DHX34: variants seen among roughly 807,000 people sequenced by gnomAD.
The protein encoded by DHX34 is probable ATP-dependent RNA helicase DHX34.
In DHX34, 96 loss-of-function variants were observed where a neutral mutation model predicts 111.1. The ratio of observed to expected loss-of-function variants is 0.86; its 90% CI spans 0.73 to 1.02. DHX34 has a LOEUF of 1.02. DHX34 is among the 50% of genes least tolerant of loss of function. The probability of loss-of-function intolerance (pLI) is 0.00; values close to 1 mark genes in which losing one functional copy is unlikely to be tolerated. For missense variants in DHX34, 1,560 were observed against 1,579.9 expected (o/e 0.99, Z 0.21); for synonymous variants, 688 against 670.4 (o/e 1.03, Z -0.41).
At position 47,362,680 on chromosome 19, in the gene DHX34, C is replaced by T. The variant is rs753138391; in HGVS notation, c.1580C>T (p.Ser527Leu). 3.3e-5 allele frequency: 53 copies of T among 1,612,012 alleles called. No individual in the cohort carries two copies. The South Asian group carries it at 4.0e-4, about 12-fold the overall frequency. Residue 527 changes from serine to leucine, a missense_variant, in exon 6 of 17, where the codon TCG becomes TTG. Coordinates refer to ENST00000328771, the MANE Select transcript of DHX34 (RefSeq NM_014681.6). ...GAAATTCGGAGGGTGGCCCTGGACT[C>T]GTTGGTGCTGCAGGTGAGGCATGGG... ...VPEIRRVALD[S>L]LVLQMKSMSV...
In DHX34 at chr19:47,358,130, G is replaced by C. The variant is rs755851931; in HGVS notation, c.1272+10G>C. The C allele has an allele frequency of 6.3e-7, 1 of 1,598,972 alleles. No homozygotes were observed. Among genetic ancestry groups the C allele is most frequent in the Non-Finnish European group, 8.6e-7 (1 of 1,168,350 alleles). The stretch of plus-strand genomic sequence containing the variant: ...GGCCGACCAGGACAAGGTATCACAG[G>C]AAGCCCGAGTGGGGCAGGCGGGGGG... On this transcript the variant is annotated intron_variant, in intron 4 of 16. Transcript: ENST00000328771.
At position 47,353,776 on chromosome 19, in the gene DHX34, C is replaced by T. The variant is rs1182765132; in HGVS notation, c.705+41C>T. ...CAGGTTTCCGATTTTTCCAGCGTGA[C>T]CTTGGGGGAATAGGTTGCTTGTCCA... On this transcript the variant is annotated intron_variant, in intron 2 of 16. Transcript: ENST00000328771. This position sits in a 1 kb window ranked among gnomAD's most constrained non-coding sequence, Gnocchi z 4.6. 6.8e-7 allele frequency: 1 copy of T among 1,480,498 alleles called. No individual in the cohort carries two copies. Among genetic ancestry groups the T allele is most frequent in the Non-Finnish European group, 9.0e-7 (1 of 1,111,412 alleles). 91.7% of individuals were successfully genotyped at this position (1,480,498 alleles called of 1,614,324 possible).
At position 47,359,977 on chromosome 19, in the gene DHX34, G is replaced by A. The variant is rs1196911806; in HGVS notation, c.1282G>A (p.Val428Met). Reference protein sequence around the residue: ...SVADQDKVFDVAPPGVRKCIL... With the variant: ...SVADQDKVFDMAPPGVRKCIL... ...CCTCCCTTCCTCCCAGGTATTTGAT[G>A]TGGCACCCCCTGGAGTCCGGAAATG... The change falls in exon 5 of 17, where the codon GTG becomes ATG. Residue 428 changes from valine (V) to methionine (M), a missense_variant. Val to Met is a conservative substitution (Grantham distance 21). Transcript: ENST00000328771. The A allele has an allele frequency of 8.1e-6, 13 of 1,614,064 alleles. No individual in the cohort carries two copies. Among genetic ancestry groups the A allele is most frequent in the East Asian group, 2.2e-5 (1 of 44,868 alleles).
intron 1 of DHX34, 49 bp downstream of exon 1, chr19:47,349,401 T>A (rs1461200408): frequency 1.3e-5 from 2 of 152,244 alleles, no homozygotes; most frequent in African/African-American, 4.8e-5. Context: ...CGGCGATGGC[T>A]GTCGGAGTTG....
At chr19:47,350,935 T>G in intron 1 of DHX34, among the ~76,000 whole-genome samples, 3 of 147,342 alleles carry the variant, frequency 2.0e-5, no homozygotes, top group East Asian at 2.0e-4. Context: ...GAAGATGGAG[T>G]GGAGAGAGAT....
intron 2 of DHX34, among the ~76,000 whole-genome samples, chr19:47,354,234 A>G (rs1969382101): frequency 6.6e-6 from 1 of 152,140 alleles, no homozygotes; most frequent in Non-Finnish European, 1.5e-5. Context: ...AAGTTTTGGG[A>G]TTACAGGTGT....
At chr19:47,357,402 C>T (rs924131754) in intron 3 of DHX34, among the ~76,000 whole-genome samples, 2 of 152,162 alleles carry the variant, frequency 1.3e-5, no homozygotes, top group African/African-American at 4.8e-5. Flanking sequence ...CTTTTTATTA[C>T]ATCCTTCAGA....
At chr19:47,359,893 G>A (rs1969572811) in intron 4 of DHX34, 75 bp from the exon 5 acceptor site, 7 of 1,606,164 alleles carry the variant, frequency 4.4e-6, no homozygotes, top group Non-Finnish European at 4.3e-6. Context: ...TGACACGGGG[G>A]TGGGCAAGAA....
chr19:47,358,277 T>C (rs1253082892), intron 4 of DHX34, among the ~76,000 whole-genome samples, 157 bp downstream of exon 4: 1 of 152,160 alleles, frequency 6.6e-6, no homozygotes, highest in Non-Finnish European at 1.5e-5. Flanking sequence ...CGAACCCAGG[T>C]AGTCTGGCCC....
chr19:47,376,978 C>A lies in DHX34; in HGVS notation c.2600-122C>A, dbSNP rs769258391. The A allele has an allele frequency of 2.0e-5, 31 of 1,556,264 alleles. 1 individual carries two copies. In the South Asian group the frequency reaches 3.3e-4, roughly 17 times the overall value. ...GACCTTCTTGTCTGAGCCAGGCCAC[C>A]AAAGCCATGCCGTAAGCATACTCTT... On this transcript the variant is annotated intron_variant, in intron 12 of 16. Transcript: ENST00000328771.
chr19:47,353,047 CAAGG>C lies in DHX34; in HGVS notation c.18_21del (p.Glu8AlafsTer167). The C allele has an allele frequency of 6.2e-7, 1 of 1,612,408 alleles. No individual in the cohort carries two copies. Among genetic ancestry groups the C allele is most frequent in the South Asian group, 1.1e-5 (1 of 91,052 alleles). Reference sequence around the variant, plus strand: ...ATTAGTAACATGCCTCCTCCTAGAACAAGGGAGGGCAGGGATCGCCGAGACCACC... The same window carrying C: ...ATTAGTAACATGCCTCCTCCTAGAACGAGGGCAGGGATCGCCGAGACCACC... On this transcript the variant is annotated frameshift_variant, in exon 2 of 17. Transcript: ENST00000328771. LOFTEE classifies it high-confidence loss of function. The surrounding 1 kb of genome is among the most constrained non-coding windows in gnomAD (Gnocchi z 4.6).
rs867321422 is a variant in DHX34 at position 47,368,505 on chromosome 19, T to C, written c.1768+1350T>C. 7.4e-3 allele frequency among the ~76,000 whole-genome samples: 1,114 copies of C among 150,284 alleles called. 17 individuals are homozygous for C. The highest frequency in any genetic ancestry group is 0.026 in the African/African-American group (1,048 of 40,820). ...ATTTTTAGTAGAGCTGGGGTTTCTC[T>C]ATGTTGGTCAGGCTGGTCTTGAACT... On this transcript the variant is annotated intron_variant, in intron 7 of 16. Coordinates refer to ENST00000328771, the MANE Select transcript of DHX34 (RefSeq NM_014681.6).
chr19:47,362,542 G>A lies in DHX34; in HGVS notation c.1442G>A (p.Ser481Asn). 6.2e-7 allele frequency: 1 copy of A among 1,611,398 alleles called. No homozygotes were observed. ...CAACGGCTGCAGGAGTTCTGGATTA[G>A]TCAGGCCAGCGCAGAGCAGCGGAAG... ...KLQRLQEFWI[S>N]QASAEQRKGR... The change falls in exon 6 of 17, where the codon AGT becomes AAT. Residue 481 changes from serine to asparagine, a missense_variant. Transcript: ENST00000328771.
chr19:47,353,696 GC>G lies in DHX34; in HGVS notation c.667del (p.Arg223ValfsTer33). The G allele has an allele frequency of 6.2e-7, 1 of 1,608,572 alleles. No individual in the cohort carries two copies. ...RRIACISLAK[R>X]VGFESLSQYG... ...GGATCGCCTGCATCTCACTGGCCAA[GC>G]GTGTGGGCTTTGAGAGCCTCAGTCA... is the stretch of plus-strand genomic sequence containing the variant. On this transcript the variant is annotated frameshift_variant, in exon 2 of 17. Transcript: ENST00000328771. LOFTEE classifies it high-confidence loss of function. The surrounding 1 kb of genome is among the most constrained non-coding windows in gnomAD (Gnocchi z 4.6).
intron 1 of DHX34, among the ~76,000 whole-genome samples, chr19:47,350,163 A>G (rs1969240832): frequency 6.6e-6 from 1 of 152,206 alleles, no homozygotes; most frequent in African/African-American, 2.4e-5. Context: ...ATTGGGAGAT[A>G]AAGTATTAGA....
chr19:47,354,469 T>A (rs952495928), intron 2 of DHX34, among the ~76,000 whole-genome samples: 9 of 152,278 alleles, frequency 5.9e-5, no homozygotes, highest in Non-Finnish European at 1.0e-4. Context: ...TGAGGCACAG[T>A]GCTAGATACT....
intron 13 of DHX34, among the ~76,000 whole-genome samples, chr19:47,378,049 A>G (rs926528983): frequency 6.6e-6 from 1 of 152,120 alleles, no homozygotes; most frequent in Non-Finnish European, 1.5e-5. Context: ...TAAGTCACAC[A>G]CCGAGCAGGT....
chr19:47,378,204 A>G (rs1429574733), intron 13 of DHX34, among the ~76,000 whole-genome samples: 1 of 151,968 alleles, frequency 6.6e-6, no homozygotes, highest in Admixed American at 6.6e-5. Context: ...TGACACTGCG[A>G]TTGCCACCAA....
In DHX34 at chr19:47,381,951, C is replaced by A. The variant is rs1599781860; in HGVS notation, c.3299-29C>A. 7 of 1,613,846 alleles carry A rather than the reference C, an allele frequency of 4.3e-6. No homozygotes were observed. The East Asian group carries it at 1.6e-4, about 36-fold the overall frequency. ...TAGACCTGTGCACTGGAACACGCCC[C>A]TCACAGCCTCCTCCTTTTCCTCCCT... On this transcript the variant is annotated intron_variant, in intron 16 of 16. Transcript: ENST00000328771.
Sources: allele counts gnomAD v4.1 joint callset (sites outside exome capture counted in the v4.1 genomes callset), GRCh38; gene constraint gnomAD v4.1.1; non-coding constraint Gnocchi (gnomAD v3.1); transcripts MANE v1.5; gene names NCBI Gene and HGNC (gene_info 2026-07-23, HGNC 2026-07-21).